HIF1A: variants seen among roughly 807,000 people sequenced by gnomAD.
HIF1A encodes the protein hypoxia-inducible factor 1-alpha.
Under a neutral mutation model 92.7 loss-of-function variants are expected in HIF1A, and 24 were observed. The ratio of observed to expected loss-of-function variants is 0.26; its 90% CI spans 0.19 to 0.36. The LOEUF (loss-of-function observed/expected upper bound fraction) is 0.36, where lower values mean the gene tolerates loss of function less well. HIF1A is among the 10% of genes least tolerant of loss of function. HIF1A has a pLI of 1.00. For missense variants in HIF1A, 799 were observed against 998.5 expected (o/e 0.80, Z 2.69); for synonymous variants, 319 against 338.7 (o/e 0.94, Z 0.64).
intron 1 of HIF1A, among the ~76,000 whole-genome samples, chr14:61,708,049 G>A (rs1387390021): frequency 6.6e-6 from 1 of 152,140 alleles, no homozygotes; most frequent in Non-Finnish European, 1.5e-5. Context: ...GCATTTCTCT[G>A]ATGGCCAGTG....
At chr14:61,709,222 C>T (rs2044279692) in intron 1 of HIF1A, among the ~76,000 whole-genome samples, 1 of 152,042 alleles carries the variant, frequency 6.6e-6, no homozygotes, top group African/African-American at 2.4e-5. Context: ...AATCAGGGCT[C>T]AAAGATTTGT....
Position 61,726,771 on chromosome 14 carries a change from C to T in HIF1A, c.523C>T (p.Leu175=). 6.2e-7 allele frequency: 1 copy of T among 1,608,904 alleles called. No homozygotes were observed. Among genetic ancestry groups the T allele is most frequent in the Non-Finnish European group, 8.5e-7 (1 of 1,177,814 alleles). ...CTTTTTTCTCAGAATGAAGTGTACC[C>T]TAACTAGCCGAGGAAGAACTATGAA... The part of the protein sequence containing the change: ...RSFFLRMKCT[L]TSRGRTMNIK... Residue 175 remains leucine, a synonymous_variant, in exon 5 of 15, where the codon CTA becomes TTA. Transcript: ENST00000337138.
At chr14:61,746,421 G>A (rs1428344180) in intron 14 of HIF1A, among the ~76,000 whole-genome samples, 1 of 99,200 alleles carries the variant, frequency 1.0e-5, no homozygotes, top group African/African-American at 8.2e-5. Context: ...TTTTGAGACA[G>A]GGTCTCGCTC....
intron 7 of HIF1A, among the ~76,000 whole-genome samples, chr14:61,733,193 C>G (rs2044597245): frequency 6.6e-6 from 1 of 152,138 alleles, no homozygotes; most frequent in Non-Finnish European, 1.5e-5. Context: ...TCAAGAGATT[C>G]TCCTGCCTCA....
intron 1 of HIF1A, among the ~76,000 whole-genome samples, chr14:61,717,247 T>G (rs762498928): frequency 6.6e-6 from 1 of 152,214 alleles, no homozygotes; most frequent in South Asian, 2.1e-4. Context: ...TTAGCCTTCC[T>G]GTGACTAGAC....
chr14:61,720,447 C>G lies in HIF1A; in HGVS notation c.101C>G (p.Ser34Cys), dbSNP rs1249408665. The change falls in exon 2 of 15, where the codon TCT (serine) becomes TGT (cysteine). Residue 34 changes from serine to cysteine, a missense_variant. Ser to Cys is a moderately radical substitution (Grantham distance 112). Around this residue, in one of 2 missense-constraint regions of HIF1A, gnomAD observed 516 missense variants for 721.0 expected, o/e 0.72. Coordinates refer to ENST00000337138, the MANE Select transcript of HIF1A (RefSeq NM_001530.4). ...GCCAGATCTCGGCGAAGTAAAGAAT[C>G]TGAAGTTTTTTATGAGCTTGCTCAT... ...DAARSRRSKE[S>C]EVFYELAHQL... 4 of 1,613,366 alleles carry G rather than the reference C, an allele frequency of 2.5e-6. No homozygotes were observed. In the South Asian group the frequency reaches 4.4e-5, roughly 18 times the overall value.
At chr14:61,698,032 G>T in intron 1 of HIF1A, 1 of 711,136 alleles carries the variant, frequency 1.4e-6, no homozygotes, top group Non-Finnish European at 2.1e-6. Context: ...TTATTTAATA[G>T]CACGTGCATT....
intron 7 of HIF1A, among the ~76,000 whole-genome samples, chr14:61,733,615 C>A (rs77414469): frequency 6.6e-6 from 1 of 152,128 alleles, no homozygotes; most frequent in South Asian, 2.1e-4. Context: ...AGTCAGGACA[C>A]CCCAATCCTC....
At chr14:61,716,667 A>G (rs1470652543) in intron 1 of HIF1A, among the ~76,000 whole-genome samples, 3 of 152,182 alleles carry the variant, frequency 2.0e-5, no homozygotes, top group Non-Finnish European at 2.9e-5. Context: ...CTGAAGAACA[A>G]TAGACATTCT....
At position 61,738,109 on chromosome 14, in the gene HIF1A, A is replaced by C. The variant is rs780447577; in HGVS notation, c.1272A>C (p.Gln424His). The change falls in exon 10 of 15, where the codon CAA becomes CAC. Residue 424 changes from glutamine (Q) to histidine (H), a missense_variant. This residue lies in a region of HIF1A where 516 missense variants were observed against 721.0 expected (regional missense o/e 0.72). Coordinates refer to ENST00000337138, the MANE Select transcript of HIF1A (RefSeq NM_001530.4). Reference sequence around the variant, plus strand: ...CAGACACAGAAACTGATGACCAGCAACTTGAGGAAGTACCATTATATAATG... The same window carrying C: ...CAGACACAGAAACTGATGACCAGCACCTTGAGGAAGTACCATTATATAATG... ...GSNDTETDDQ[Q>H]LEEVPLYNDV... is the part of the protein sequence containing the mutation. The C allele has an allele frequency of 1.2e-6, 2 of 1,606,194 alleles. No individual in the cohort carries two copies. The highest frequency in any genetic ancestry group is 8.5e-7 in the Non-Finnish European group (1 of 1,176,078).
intron 6 of HIF1A, among the ~76,000 whole-genome samples, chr14:61,731,267 T>C (rs922410077): frequency 6.6e-6 from 1 of 152,126 alleles, no homozygotes; most frequent in Non-Finnish European, 1.5e-5. Context: ...GCTTAACTCA[T>C]GTTTTGCTCC....
intron 1 of HIF1A, among the ~76,000 whole-genome samples, chr14:61,700,739 A>G (rs2140116755): frequency 6.6e-6 from 1 of 152,356 alleles, no homozygotes; most frequent in South Asian, 2.1e-4. Context: ...ACCAGTTTAC[A>G]TTCCCACCAA....
chr14:61,730,920 T>C (rs1318790187), intron 6 of HIF1A, among the ~76,000 whole-genome samples: 1 of 152,238 alleles, frequency 6.6e-6, no homozygotes, highest in Non-Finnish European at 1.5e-5. Flanking sequence ...TGACTGATTT[T>C]GTTTAAAAAC....
chr14:61,746,403 T>C (rs1245775805), intron 14 of HIF1A, among the ~76,000 whole-genome samples: 2 of 144,406 alleles, frequency 1.4e-5, no homozygotes, highest in Non-Finnish European at 3.0e-5. Flanking sequence ...TTTTTTTTTT[T>C]TTTTTTTTTT....
chr14:61,745,951 C>T lies in HIF1A; in HGVS notation c.2329+134C>T, dbSNP rs561212413. 1.1e-3 allele frequency: 864 copies of T among 759,826 alleles called. 14 individuals carry two copies. Among genetic ancestry groups the T allele is most frequent in the Middle Eastern group, 3.0e-3 (9 of 3,038 alleles). 47.1% of individuals were successfully genotyped at this position (759,826 alleles called of 1,614,324 possible). A position where few individuals can be genotyped will look rare whatever the true frequency, so the allele number is the denominator to read the frequency against. ...TAAAAAGTAAAGTTGTGGCTGGGCG[C>T]GGTGGCTCACACCTGTAATCCCAGC... On this transcript the variant is annotated intron_variant, in intron 14 of 14. Transcript: ENST00000337138.
At chr14:61,711,382 G>A (rs1436063328) in intron 1 of HIF1A, among the ~76,000 whole-genome samples, 1 of 151,852 alleles carries the variant, frequency 6.6e-6, no homozygotes, top group East Asian at 1.9e-4. Context: ...TAATTTGATT[G>A]GTTAAGAACA....
At chr14:61,721,705 G>A in intron 3 of HIF1A, 34 bp from the exon 4 acceptor site, 1 of 1,609,996 alleles carries the variant, frequency 6.2e-7, no homozygotes, top group Non-Finnish European at 8.5e-7. Flanking sequence ...ATGATTTTAT[G>A]ATCTAGCCCT....
intron 7 of HIF1A, among the ~76,000 whole-genome samples, chr14:61,733,433 C>G (rs2044599797): frequency 1.3e-5 from 2 of 152,156 alleles, no homozygotes; most frequent in Admixed American, 1.3e-4. Context: ...AGATTTGATT[C>G]TGAATTTTAC....
intron 1 of HIF1A, among the ~76,000 whole-genome samples, chr14:61,709,281 A>G (rs569146530): frequency 2.0e-5 from 3 of 152,328 alleles, no homozygotes; most frequent in East Asian, 3.9e-4. Flanking sequence ...TATTTATATC[A>G]CTAGTCAGGA....
Sources: allele counts gnomAD v4.1 joint callset (sites outside exome capture counted in the v4.1 genomes callset), GRCh38; gene constraint gnomAD v4.1.1; regional missense constraint gnomAD v4.1.1; transcripts MANE v1.5; gene names NCBI Gene and HGNC (gene_info 2026-07-23, HGNC 2026-07-21).